LRP1B: variants seen among roughly 807,000 people sequenced by gnomAD.
The protein encoded by LRP1B is low-density lipoprotein receptor-related protein 1B.
LRP1B carries 217 observed loss-of-function variants against 556.6 expected under a neutral mutation model. The ratio of observed to expected loss-of-function variants is 0.39; its 90% CI spans 0.35 to 0.44. The LOEUF (loss-of-function observed/expected upper bound fraction) is 0.44. Ranked by LOEUF, LRP1B falls within the 20% of genes least tolerant of loss-of-function variation. The probability of loss-of-function intolerance (pLI) is 1.00; values close to 1 mark genes in which losing one functional copy is unlikely to be tolerated. For synonymous variants in LRP1B, 2,047 were observed against 1,865.8 expected (o/e 1.10, Z -2.50); for missense variants, 5,053 against 5,620.8 (o/e 0.90, Z 3.23).
intron 66 of LRP1B, among the ~76,000 whole-genome samples, chr2:140,388,494 C>T (rs1393085932): frequency 6.6e-6 from 1 of 151,850 alleles, no homozygotes; most frequent in Non-Finnish European, 1.5e-5. Flanking sequence ...TTAAAAATAC[C>T]TGCACCTATT....
intron 7 of LRP1B, among the ~76,000 whole-genome samples, chr2:141,064,802 T>C (rs1197487039): frequency 6.6e-6 from 1 of 151,950 alleles, no homozygotes; most frequent in African/African-American, 2.4e-5. Context: ...TGTATTACAA[T>C]TGGTAAACAC....
chr2:141,381,415 G>A (rs931569095), intron 3 of LRP1B, among the ~76,000 whole-genome samples: 2 of 151,502 alleles, frequency 1.3e-5, no homozygotes, highest in Admixed American at 6.6e-5. Flanking sequence ...AAGGACTTAC[G>A]AGATGGCAAT....
chr2:140,262,365 A>G (rs1424766238), intron 86 of LRP1B, among the ~76,000 whole-genome samples: 1 of 152,184 alleles, frequency 6.6e-6, no homozygotes, highest in Non-Finnish European at 1.5e-5. Flanking sequence ...CTGTCCCCAC[A>G]TAGCATTTCT....
chr2:141,937,324 G>T (rs1390944142), intron 1 of LRP1B, among the ~76,000 whole-genome samples: 1 of 151,928 alleles, frequency 6.6e-6, no homozygotes, highest in East Asian at 1.9e-4. Flanking sequence ...GGCGGAGTTT[G>T]CAGTGAGCCG....
At chr2:140,325,633 A>G in intron 80 of LRP1B, 129 bp downstream of exon 80, 3 of 596,774 alleles carry the variant, frequency 5.0e-6, no homozygotes, top group East Asian at 3.0e-5. Context: ...AGTAAGCCTT[A>G]TAAGTTGAAA....
At chr2:140,796,445 A>T (rs17575051) in intron 32 of LRP1B, among the ~76,000 whole-genome samples, 3,297 of 152,176 alleles carry the variant, frequency 0.022, 57 homozygotes, top group Non-Finnish European at 0.035. Flanking sequence ...TATCACATAT[A>T]GTCCTTTGGA....
intron 84 of LRP1B, among the ~76,000 whole-genome samples, chr2:140,288,270 AT>A (rs1285165573): frequency 6.6e-6 from 1 of 151,644 alleles, no homozygotes; most frequent in Non-Finnish European, 1.5e-5. Flanking sequence ...AAAAGAGGTT[AT>A]ATCTTTTATA....
intron 31 of LRP1B, among the ~76,000 whole-genome samples, chr2:140,826,606 G>A (rs927789075): frequency 6.6e-6 from 1 of 152,098 alleles, no homozygotes; most frequent in East Asian, 1.9e-4. Flanking sequence ...TGGGCCTTTC[G>A]ATTCATAATG....
At chr2:142,108,644 ATGAT>A (rs1465332681) in intron 1 of LRP1B, among the ~76,000 whole-genome samples, 1 of 152,228 alleles carries the variant, frequency 6.6e-6, no homozygotes, top group African/African-American at 2.4e-5. Flanking sequence ...AAAGGATTAA[ATGAT>A]TGAATACTGA....
intron 2 of LRP1B, among the ~76,000 whole-genome samples, chr2:141,570,091 C>A (rs6429906): frequency 0.35 from 52,965 of 150,432 alleles, 12,235 homozygotes; most frequent in Non-Finnish European, 0.47. Context: ...GGGGGTGGGG[C>A]CGAGATGACT....
chr2:140,813,598 A>G, intron 32 of LRP1B, 59 bp downstream of exon 32: 1 of 1,503,266 alleles, frequency 6.7e-7, no homozygotes, highest in Non-Finnish European at 9.2e-7. Context: ...TTAACAGGTC[A>G]TAATAAATCA....
At chr2:140,378,396 A>C (rs1683329648) in intron 67 of LRP1B, 110 bp from the exon 68 acceptor site, 1 of 611,430 alleles carries the variant, frequency 1.6e-6, no homozygotes. Context: ...GAGGTTAGTC[A>C]GACAGAACCA....
At chr2:141,568,560 T>C (rs1686417118) in intron 2 of LRP1B, among the ~76,000 whole-genome samples, 2 of 151,308 alleles carry the variant, frequency 1.3e-5, no homozygotes, top group Admixed American at 1.3e-4. Context: ...GATTCAACAT[T>C]GCTAACAAAA....
At chr2:140,373,734 A>C (rs1683097283) in intron 68 of LRP1B, among the ~76,000 whole-genome samples, 1 of 152,134 alleles carries the variant, frequency 6.6e-6, no homozygotes, top group Admixed American at 6.6e-5. Flanking sequence ...ATGGGCACAC[A>C]TGAATACCAC....
intron 2 of LRP1B, among the ~76,000 whole-genome samples, chr2:141,668,319 C>G (rs1389735430): frequency 1.3e-5 from 2 of 152,090 alleles, no homozygotes; most frequent in Admixed American, 6.6e-5. Flanking sequence ...AGCAAAGGCC[C>G]CACCCTCAAG....
At chr2:140,459,648 TA>T (rs1687237083) in intron 60 of LRP1B, among the ~76,000 whole-genome samples, 2 of 152,330 alleles carry the variant, frequency 1.3e-5, no homozygotes, top group African/African-American at 4.8e-5. Flanking sequence ...AGGCAATTTA[TA>T]TATTTTATTT....
At chr2:140,913,057 A>G (rs1694470364) in intron 21 of LRP1B, among the ~76,000 whole-genome samples, 1 of 151,870 alleles carries the variant, frequency 6.6e-6, no homozygotes, top group African/African-American at 2.4e-5. Context: ...AATCTTTGAG[A>G]AAGTCTAAAT....
intron 7 of LRP1B, among the ~76,000 whole-genome samples, chr2:141,080,527 G>C (rs551965369): frequency 6.6e-6 from 1 of 152,070 alleles, no homozygotes; most frequent in Non-Finnish European, 1.5e-5. Flanking sequence ...TTGAACAAAC[G>C]TGGTAGCATA....
intron 2 of LRP1B, among the ~76,000 whole-genome samples, chr2:141,800,642 T>C (rs1204164531): frequency 6.6e-6 from 1 of 152,192 alleles, no homozygotes; most frequent in Non-Finnish European, 1.5e-5. Context: ...CAGCACAGTA[T>C]CTGGCACATA....
Sources: gnomAD v4.1 joint callset for allele counts (sites outside exome capture counted in the v4.1 genomes callset) on GRCh38, gnomAD v4.1.1 for gene constraint, MANE v1.5 for transcripts, NCBI Gene and HGNC (gene_info 2026-07-23, HGNC 2026-07-21) for gene names.